GCLC: variants seen among roughly 807,000 people sequenced by gnomAD.
The protein encoded by GCLC is glutamate-cysteine ligase catalytic subunit, also known as glutamate--cysteine ligase catalytic subunit.
In GCLC, 30 loss-of-function variants were observed where a neutral mutation model predicts 81.5. The ratio of observed to expected loss-of-function variants is 0.37; its 90% CI spans 0.28 to 0.50. GCLC has a LOEUF of 0.50. Ranked by LOEUF, GCLC falls within the 20% of genes least tolerant of loss-of-function variation. The pLI, the probability that GCLC is intolerant of heterozygous loss-of-function variation, is 0.96. For synonymous variants in GCLC, 262 were observed against 273.3 expected, an observed-to-expected ratio of 0.96 and a Z score of 0.41; for missense variants, 556 against 777.4, an observed-to-expected ratio of 0.72 and a Z score of 3.39.
intron 1 of GCLC, among the ~76,000 whole-genome samples, chr6:53,541,322 T>C (rs764005189): frequency 4.5e-4 from 69 of 152,264 alleles, no homozygotes; most frequent in Admixed American, 1.1e-3. Context: ...AGACCAAGGT[T>C]TCACTGAAGT....
At chr6:53,514,157 C>A in intron 6 of GCLC, 47 bp downstream of exon 6, 1 of 1,599,334 alleles carries the variant, frequency 6.3e-7, no homozygotes, top group Non-Finnish European at 8.6e-7. Context: ...AGTTAAAAAA[C>A]AGAAATGGAT....
intron 1 of GCLC, among the ~76,000 whole-genome samples, chr6:53,529,613 T>C (rs1465728337): frequency 2.6e-5 from 4 of 152,242 alleles, no homozygotes; most frequent in Non-Finnish European, 5.9e-5. Context: ...ATAGTCCTTA[T>C]TTACCTCCAA....
At chr6:53,528,934 CAGTG>C (rs1763127435) in intron 1 of GCLC, among the ~76,000 whole-genome samples, 1 of 152,144 alleles carries the variant, frequency 6.6e-6, no homozygotes. Context: ...TAGAGAAAGA[CAGTG>C]AGAGTTGCGG....
intron 3 of GCLC, 131 bp from the exon 4 acceptor site, chr6:53,516,353 C>CA (rs1764871530): frequency 1.4e-6 from 1 of 691,482 alleles, no homozygotes; most frequent in African/African-American, 1.8e-5. Flanking sequence ...TTTGTGTTTA[C>CA]AAAACAGATG....
intron 12 of GCLC, chr6:53,501,142 C>T (rs1764503634): frequency 6.1e-6 from 1 of 163,464 alleles, no homozygotes; most frequent in East Asian, 1.8e-4. Flanking sequence ...TGGTTTCGAA[C>T]TCCTGACCTC....
Position 53,518,002 on chromosome 6 carries a change from G to A in GCLC, c.447-1780C>T, listed in dbSNP as rs1762912568. 5.3e-5 allele frequency among the ~76,000 whole-genome samples: 8 copies of A among 152,218 alleles called. No homozygotes were observed. In the South Asian group the frequency reaches 1.7e-3, roughly 32 times the overall value. On this transcript the variant is annotated intron_variant, in intron 3 of 15. Transcript: ENST00000650454. Reference sequence around the variant, plus strand: ...ACCCTGTTTACACTTAAGAACCAGAGCACTCCTTTCTCTCTTGATCCTATA... The same window carrying A: ...ACCCTGTTTACACTTAAGAACCAGAACACTCCTTTCTCTCTTGATCCTATA...
chr6:53,521,071 G>T (rs1399464312), intron 2 of GCLC, 111 bp from the exon 3 acceptor site: 2 of 835,774 alleles, frequency 2.4e-6, no homozygotes, highest in Admixed American at 1.8e-5. Flanking sequence ...TATAAATGAA[G>T]CTAAGAAGTC....
At position 53,511,284 on chromosome 6, in the gene GCLC, G is replaced by A. The variant is rs868299374; in HGVS notation, c.754-2034C>T. Among the ~76,000 whole-genome samples, 6 of 151,636 alleles carry A rather than the reference G, an allele frequency of 4.0e-5. No individual in the cohort carries two copies. In the South Asian group the frequency reaches 1.2e-3, roughly 32 times the overall value. On this transcript the variant is annotated intron_variant, in intron 6 of 15. Coordinates refer to ENST00000650454, the MANE Select transcript of GCLC (RefSeq NM_001498.4). Reference sequence around the variant, plus strand: ...AGACCGGGACCCCAAAAGCCAAACTGACAAGGCATTGAGATTTTAAAAAAA... The same window carrying A: ...AGACCGGGACCCCAAAAGCCAAACTAACAAGGCATTGAGATTTTAAAAAAA...
intron 15 of GCLC, 127 bp from the exon 16 acceptor site, chr6:53,499,094 G>GC: frequency 1.4e-6 from 1 of 698,780 alleles, no homozygotes; most frequent in Non-Finnish European, 2.6e-6. Flanking sequence ...TAGTGTAGCT[G>GC]CATGGCAGGG....
Position 53,506,465 on chromosome 6 carries a change from T to C in GCLC, c.1197+448A>G, listed in dbSNP as rs1764616685. 1.3e-5 allele frequency: 3 copies of C among 222,600 alleles called. No homozygotes were observed. The highest frequency in any genetic ancestry group is 2.7e-5 in the Non-Finnish European group (3 of 112,258). The allele number at this position is 222,600 out of a possible 1,614,324, so 13.8% of individuals were successfully genotyped here. A position where few individuals can be genotyped will look rare whatever the true frequency, so the allele number is the denominator to read the frequency against. ...TTTGGTGGGGGAAAGAAAGGGGATA[T>C]AGATGGTATTTCAAAAGGTATATAT... On this transcript the variant is annotated intron_variant, in intron 10 of 15. Coordinates refer to ENST00000650454, the MANE Select transcript of GCLC (RefSeq NM_001498.4). This position sits in a 1 kb window ranked among gnomAD's most constrained non-coding sequence, Gnocchi z 4.0.
chr6:53,517,123 G>A (rs1581737469), intron 3 of GCLC, among the ~76,000 whole-genome samples: 1 of 119,290 alleles, frequency 8.4e-6, no homozygotes. Context: ...GTCTTGCTCT[G>A]TCTCCCAGGC....
intron 1 of GCLC, among the ~76,000 whole-genome samples, chr6:53,529,830 G>C (rs1763143002): frequency 6.6e-6 from 1 of 152,266 alleles, no homozygotes; most frequent in South Asian, 2.1e-4. Flanking sequence ...GAATCATGGA[G>C]AATTTCTGCA....
At position 53,500,494 on chromosome 6, in the gene GCLC, A is replaced by G. The variant is rs750171775; in HGVS notation, c.1415T>C (p.Val472Ala). 16 of 1,610,418 alleles carry G rather than the reference A, an allele frequency of 9.9e-6. No homozygotes were observed. The highest frequency in any genetic ancestry group is 1.3e-5 in the Non-Finnish European group (15 of 1,176,952). Residue 472 changes from valine (V) to alanine (A), a missense_variant, in exon 13 of 16, where the codon GTA (valine) becomes GCA (alanine). Val to Ala is a moderately conservative substitution (Grantham distance 64). Coordinates refer to ENST00000650454, the MANE Select transcript of GCLC (RefSeq NM_001498.4). ...CAAGACAGCATCTCTTTTCTGTGCT[A>G]CCTTCATGTTCTCATCAACCTAAGG... is the stretch of plus-strand genomic sequence containing the variant. ...PLSKVDENMKVAQKRDAVLQG... is the reference protein window; with the variant it reads ...PLSKVDENMKAAQKRDAVLQG...
chr6:53,528,638 TC>T (rs1394890628), intron 1 of GCLC, among the ~76,000 whole-genome samples: 1 of 152,218 alleles, frequency 6.6e-6, no homozygotes, highest in Admixed American at 6.5e-5. Context: ...AAATGTCTAT[TC>T]ATACTAAAGA....
Position 53,514,355 on chromosome 6 carries a change from A to C in GCLC, c.620-18T>G, listed in dbSNP as rs762889289. The C allele has an allele frequency of 5.7e-6, 9 of 1,589,966 alleles. No homozygotes were observed. The highest frequency in any genetic ancestry group is 6.9e-6 in the Non-Finnish European group (8 of 1,158,294). ...CTTAAATACTGTATTATAAAAATAC[A>C]AAAATAAAAATGGTTTAGAATCCAG... On this transcript the variant is annotated intron_variant, in intron 5 of 15. Coordinates refer to ENST00000650454, the MANE Select transcript of GCLC (RefSeq NM_001498.4).
intron 6 of GCLC, chr6:53,513,211 T>C (rs551045771): frequency 6.6e-6 from 1 of 152,386 alleles, no homozygotes; most frequent in East Asian, 1.9e-4. Context: ...GCTGCAGCTG[T>C]TTCAGGTGAA....
chr6:53,516,151 A>T lies in GCLC; in HGVS notation c.518T>A (p.Leu173His). 1.2e-6 allele frequency: 2 copies of T among 1,613,700 alleles called. No individual in the cohort carries two copies. The highest frequency in any genetic ancestry group is 1.7e-6 in the Non-Finnish European group (2 of 1,179,612). Reference sequence around the variant, plus strand: ...GTTTATTGCTTCATCTGGAAAGAAGAGGGACTTGGAAGCTCCTCCTTCCAC... The same window carrying T: ...GTTTATTGCTTCATCTGGAAAGAAGTGGGACTTGGAAGCTCCTCCTTCCAC... ...NPVEGGASKS[L>H]FFPDEAINKH... Residue 173 changes from leucine to histidine, a missense_variant, in exon 4 of 16, where the codon CTC (leucine) becomes CAC (histidine). This residue lies in a region of GCLC where 234 missense variants were observed against 303.8 expected (regional missense o/e 0.77). Coordinates refer to ENST00000650454, the MANE Select transcript of GCLC (RefSeq NM_001498.4).
intron 4 of GCLC, among the ~76,000 whole-genome samples, chr6:53,514,881 T>A (rs1410981882): frequency 6.6e-6 from 1 of 152,200 alleles, no homozygotes; most frequent in Non-Finnish European, 1.5e-5. Context: ...TGCCCAGGCA[T>A]CTCTGGAGCC....
At chr6:53,503,108 T>A (rs1764544126) in intron 12 of GCLC, 1 of 152,200 alleles carries the variant, frequency 6.6e-6, no homozygotes, top group South Asian at 2.1e-4. Flanking sequence ...TATTAGAAAG[T>A]AGGGCCTTTG....
Sources: allele counts gnomAD v4.1 joint callset (sites outside exome capture counted in the v4.1 genomes callset), GRCh38; gene constraint gnomAD v4.1.1; regional missense constraint gnomAD v4.1.1; non-coding constraint Gnocchi (gnomAD v3.1); transcripts MANE v1.5; gene names NCBI Gene and HGNC (gene_info 2026-07-23, HGNC 2026-07-21).